Variants in EIF4G3 observed in about 807,000 individuals in gnomAD.
EIF4G3 encodes the protein eIF-4-gamma 3.
In EIF4G3, 34 loss-of-function variants were observed where a neutral mutation model predicts 186.4. The ratio of observed to expected loss-of-function variants is 0.18; its 90% confidence interval spans 0.14 to 0.24. The LOEUF is 0.24. Ranked by LOEUF, EIF4G3 falls within the 10% of genes least tolerant of loss-of-function variation. The pLI, the probability that EIF4G3 is intolerant of heterozygous loss-of-function variation, is 1.00. For synonymous variants in EIF4G3, 673 were observed against 679.5 expected (o/e 0.99, Z 0.15); for missense variants, 1,536 against 1,948.5 (o/e 0.79, Z 3.99).
intron 7 of EIF4G3, 150 bp downstream of exon 7, chr1:20,997,451 C>A: frequency 1.2e-6 from 1 of 814,508 alleles, no homozygotes; most frequent in South Asian, 1.5e-5. Flanking sequence ...TAATGAAGGA[C>A]AAAGAAAGCT....
intron 22 of EIF4G3, among the ~76,000 whole-genome samples, chr1:20,863,068 T>C (rs914223140): frequency 6.6e-5 from 10 of 151,956 alleles, no homozygotes; most frequent in Non-Finnish European, 4.4e-5. Flanking sequence ...GGATTATAGG[T>C]GTGAGCCACT....
At chr1:21,015,684 A>C (rs976329928) in intron 4 of EIF4G3, among the ~76,000 whole-genome samples, 1 of 151,834 alleles carries the variant, frequency 6.6e-6, no homozygotes, top group Non-Finnish European at 1.5e-5. Flanking sequence ...AGGGATCCTC[A>C]ATAAGATTAT....
At position 21,001,296 on chromosome 1, in the gene EIF4G3, G is replaced by T. The variant is rs1312930585; in HGVS notation, c.47C>A (p.Pro16Gln). 2 of 471,248 alleles carry T rather than the reference G, an allele frequency of 4.2e-6. No individual in the cohort carries two copies. Among genetic ancestry groups the T allele is most frequent in the Admixed American group, 4.7e-5 (2 of 42,574 alleles). 29.2% of individuals were successfully genotyped at this position (471,248 alleles called of 1,614,324 possible). ...CTTCCAGTTGTCTGTGCAATGTATT[G>T]GCACTGTTCTGCTGGGCTGTCAAAA... ...QTRSPPSRTV[P>Q]IHCTDNWKRR... The change falls in exon 6 of 37, where the codon CCA (proline) becomes CAA (glutamine). Residue 16 changes from proline to glutamine, a missense_variant. Around this residue, in one of 11 missense-constraint regions of EIF4G3, gnomAD observed 194 missense variants for 212.8 expected, o/e 0.91. Coordinates refer to ENST00000602326, the MANE Select transcript of EIF4G3 (RefSeq NM_001391906.1).
intron 20 of EIF4G3, among the ~76,000 whole-genome samples, chr1:20,870,979 ATG>A (rs928371830): frequency 6.6e-6 from 1 of 152,176 alleles, no homozygotes; most frequent in African/African-American, 2.4e-5. Context: ...ATGTATCTGT[ATG>A]TGTGTGTATA....
chr1:20,901,840 T>C (rs1558150433), intron 15 of EIF4G3, among the ~76,000 whole-genome samples: 1 of 152,216 alleles, frequency 6.6e-6, no homozygotes, highest in Non-Finnish European at 1.5e-5. Flanking sequence ...GATGACTTCA[T>C]TGGCTGGACA....
At chr1:20,957,972 AAAG>A (rs2096478623) in intron 12 of EIF4G3, among the ~76,000 whole-genome samples, 1 of 152,172 alleles carries the variant, frequency 6.6e-6, no homozygotes, top group Non-Finnish European at 1.5e-5. Context: ...CCAGACATTC[AAAG>A]AAGAACTGGT....
At chr1:21,028,085 A>G (rs369506494) in intron 4 of EIF4G3, among the ~76,000 whole-genome samples, 2 of 152,356 alleles carry the variant, frequency 1.3e-5, no homozygotes, top group Middle Eastern at 3.4e-3. Context: ...AGAATAGCCA[A>G]AGCCACAGAC....
chr1:20,904,944 G>A lies in EIF4G3; in HGVS notation c.1691C>T (p.Thr564Ile). The A allele has an allele frequency of 2.5e-6, 4 of 1,613,802 alleles. No individual in the cohort carries two copies. The highest frequency in any genetic ancestry group is 3.4e-6 in the Non-Finnish European group (4 of 1,179,914). ...GGTCCGATCTTTTGGTTTCTTCCAT[G>A]TCTTTGGTACAGTTATAGCTATTTG... ...PAQIAITVPK[T>I]WKKPKDRTRT... Residue 564 changes from threonine (T) to isoleucine (I), a missense_variant, in exon 15 of 37, where the codon ACA (threonine) becomes ATA (isoleucine). Thr to Ile is a moderately conservative substitution (Grantham distance 89). Coordinates refer to ENST00000602326, the MANE Select transcript of EIF4G3 (RefSeq NM_001391906.1).
intron 29 of EIF4G3, among the ~76,000 whole-genome samples, chr1:20,843,995 T>G (rs1263366256): frequency 6.6e-6 from 1 of 152,246 alleles, no homozygotes; most frequent in East Asian, 1.9e-4. Context: ...CTTGGTCCTT[T>G]GTATGGCTGT....
At chr1:20,987,962 G>A (rs7515845) in intron 7 of EIF4G3, among the ~76,000 whole-genome samples, 55,938 of 151,770 alleles carry the variant, frequency 0.37, 10,883 homozygotes, top group Non-Finnish European at 0.43. Context: ...CTACTCCAGT[G>A]AACACACAAA....
chr1:20,968,446 G>C (rs1188674568), intron 12 of EIF4G3, among the ~76,000 whole-genome samples: 2 of 152,110 alleles, frequency 1.3e-5, no homozygotes, highest in Non-Finnish European at 2.9e-5. Context: ...CTCCCAAAGT[G>C]GTGGGATTAC....
rs186221976 is a variant in EIF4G3, at chr1:20,834,853, T to C, written c.4062-5581A>G. On this transcript the variant is annotated intron_variant, in intron 30 of 36. Coordinates refer to ENST00000602326, the MANE Select transcript of EIF4G3 (RefSeq NM_001391906.1). ...TAGACAGAAAATCAGTAAGGAAACA[T>C]TGGGCTTGAATTATACTTTAAACCA... Among the ~76,000 whole-genome samples, 150 of 152,278 alleles carry C rather than the reference T, an allele frequency of 9.9e-4. 1 individual carries two copies. The highest frequency in any genetic ancestry group is 3.4e-3 in the African/African-American group (143 of 41,552).
At chr1:20,954,984 T>A (rs1355201281) in intron 12 of EIF4G3, among the ~76,000 whole-genome samples, 1 of 152,166 alleles carries the variant, frequency 6.6e-6, no homozygotes, top group African/African-American at 2.4e-5. Context: ...GTTAGATGCA[T>A]CTCATGCAGA....
intron 13 of EIF4G3, among the ~76,000 whole-genome samples, chr1:20,944,356 A>G (rs934475562): frequency 6.6e-6 from 1 of 151,984 alleles, no homozygotes; most frequent in Non-Finnish European, 1.5e-5. Flanking sequence ...GTCTACAAAA[A>G]ATTAAAAGAT....
intron 36 of EIF4G3, among the ~76,000 whole-genome samples, chr1:20,809,735 A>G (rs2058851722): frequency 6.6e-6 from 1 of 152,176 alleles, no homozygotes; most frequent in African/African-American, 2.4e-5. Context: ...CCAATATGGA[A>G]GCTATTAGTC....
chr1:20,996,513 C>T (rs932379359), intron 7 of EIF4G3, among the ~76,000 whole-genome samples: 6 of 152,116 alleles, frequency 3.9e-5, no homozygotes, highest in African/African-American at 1.4e-4. Flanking sequence ...GGAAGGAATA[C>T]ATTTTGAAAA....
chr1:20,902,193 A>G (rs1572454556), intron 15 of EIF4G3, among the ~76,000 whole-genome samples: 1 of 151,794 alleles, frequency 6.6e-6, no homozygotes, highest in Non-Finnish European at 1.5e-5. Flanking sequence ...CCTCCTGAGT[A>G]GCTGGGATTA....
chr1:21,118,764 C>T lies in EIF4G3; in HGVS notation c.-271-29551G>A, dbSNP rs530268903. Reference sequence around the variant, plus strand: ...TCGTGCCACCACACTCCAGCCTGGGCGACAGAGCGAGACTACATCTCAAAA... The same window carrying T: ...TCGTGCCACCACACTCCAGCCTGGGTGACAGAGCGAGACTACATCTCAAAA... On this transcript the variant is annotated intron_variant, in intron 2 of 36. Transcript: ENST00000602326. Among the ~76,000 whole-genome samples the T allele has an allele frequency of 1.0e-4, 15 of 146,274 alleles. No homozygotes were observed. In the East Asian group the frequency reaches 1.8e-3, roughly 18 times the overall value.
At chr1:20,987,395 T>C (rs1229220203) in intron 7 of EIF4G3, among the ~76,000 whole-genome samples, 1 of 152,264 alleles carries the variant, frequency 6.6e-6, no homozygotes, top group Non-Finnish European at 1.5e-5. Flanking sequence ...TTTGCTTTAT[T>C]GTGCATTATA....
Sources: allele counts gnomAD v4.1 joint callset (sites outside exome capture counted in the v4.1 genomes callset), GRCh38; gene constraint gnomAD v4.1.1; regional missense constraint gnomAD v4.1.1; transcripts MANE v1.5; gene names NCBI Gene and HGNC (gene_info 2026-07-23, HGNC 2026-07-21).